KHK: variants seen among roughly 807,000 people sequenced by gnomAD.
KHK encodes the protein fructokinase.
In KHK, 37 loss-of-function variants were observed where a neutral mutation model predicts 36.0. The observed-to-expected ratio is 1.03, with a 90% CI of 0.79 to 1.35. The LOEUF is 1.35. KHK is among the 40% of genes most tolerant of loss of function. The pLI, the probability that KHK is intolerant of heterozygous loss-of-function variation, is 0.00. For missense variants in KHK, 395 were observed against 391.9 expected (o/e 1.01, Z -0.07); for synonymous variants, 161 against 162.8 (o/e 0.99, Z 0.08).
intron 2 of KHK, among the ~76,000 whole-genome samples, chr2:27,093,488 C>T (rs1670135224): frequency 6.6e-6 from 1 of 152,174 alleles, no homozygotes; most frequent in Non-Finnish European, 1.5e-5. Flanking sequence ...GAGCACCTAC[C>T]ATGTCCCAGG....
chr2:27,099,916 G>C lies in KHK; in HGVS notation c.*166G>C. 4 of 1,457,586 alleles carry C rather than the reference G, an allele frequency of 2.7e-6. No homozygotes were observed. The highest frequency in any genetic ancestry group is 3.8e-6 in the Non-Finnish European group (4 of 1,063,756). The allele number at this position is 1,457,586 out of a possible 1,614,324, so 90.3% of individuals were successfully genotyped here. On this transcript the variant is annotated 3_prime_UTR_variant, in exon 8 of 8. Coordinates refer to ENST00000260598, the MANE Select transcript of KHK (RefSeq NM_006488.3). ...TGTTCCCCACAGGGAGAGGCTCTGG[G>C]GGGATGGCTGGGGGATGCAGAGCCT...
Position 27,087,003 on chromosome 2 carries a change from T to A in KHK, c.-257T>A. On this transcript the variant is annotated 5_prime_UTR_variant, in exon 1 of 8. Coordinates refer to ENST00000260598, the MANE Select transcript of KHK (RefSeq NM_006488.3). ...CCATCTGCAGGCCCAGGCAACCTGC[T>A]ACGGGAAGACCGGGGACCAAGACCT... 2.4e-6 allele frequency: 1 copy of A among 415,580 alleles called. No homozygotes were observed. Among genetic ancestry groups the A allele is most frequent in the African/African-American group, 2.0e-5 (1 of 50,020 alleles). The allele number at this position is 415,580 out of a possible 1,614,324, so 25.7% of individuals were successfully genotyped here.
At chr2:27,092,999 C>T (rs1321071947) in intron 2 of KHK, among the ~76,000 whole-genome samples, 3 of 152,182 alleles carry the variant, frequency 2.0e-5, no homozygotes, top group African/African-American at 7.2e-5. Context: ...GCTGTCAGGG[C>T]TATAGCCCTA....
At chr2:27,087,410 C>A in intron 1 of KHK, 59 bp downstream of exon 1, 1 of 1,371,002 alleles carries the variant, frequency 7.3e-7, no homozygotes, top group Non-Finnish European at 1.0e-6. Context: ...AGCATTTGTG[C>A]CAGCGACCGA....
At chr2:27,091,280 A>C (rs1669987673) in intron 1 of KHK, among the ~76,000 whole-genome samples, 1 of 150,862 alleles carries the variant, frequency 6.6e-6, no homozygotes, top group Non-Finnish European at 1.5e-5. Context: ...TAGAGACAAG[A>C]GCTCCCTTTG....
At position 27,100,500 on chromosome 2, in the gene KHK, CAT is replaced by C. The variant is rs766710172; in HGVS notation, c.*753_*754del. 1.2e-5 allele frequency: 15 copies of C among 1,290,898 alleles called. No homozygotes were observed. Among genetic ancestry groups the C allele is most frequent in the Non-Finnish European group, 3.0e-6 (3 of 988,872 alleles). The allele number at this position is 1,290,898 out of a possible 1,614,324, so 80.0% of individuals were successfully genotyped here. On this transcript the variant is annotated 3_prime_UTR_variant, in exon 8 of 8. Transcript: ENST00000260598. ...CCTCAGGGAGGTCCGATCTGGAACA[CAT>C]ATTGGAATTGGGGCCAACTCCAATA...
Position 27,097,732 on chromosome 2 carries a change from C to T in KHK, c.564+83C>T, listed in dbSNP as rs1299932119. On this transcript the variant is annotated intron_variant, in intron 5 of 7. Transcript: ENST00000260598. ...AGCCAGAATCCTTTTATCCTGCCTA[C>T]CACAATTGGAATAGTGGTTCCTGGT... 5 of 1,575,234 alleles carry T rather than the reference C, an allele frequency of 3.2e-6. No individual in the cohort carries two copies. The East Asian group carries it at 1.1e-4, about 35-fold the overall frequency.
intron 1 of KHK, among the ~76,000 whole-genome samples, chr2:27,090,072 G>T (rs1313508174): frequency 6.6e-6 from 1 of 152,134 alleles, no homozygotes; most frequent in South Asian, 2.1e-4. Context: ...GGATGGTCTC[G>T]AACTCCCGAC....
chr2:27,094,441 G>T, intron 2 of KHK: 2 of 1,610,526 alleles, frequency 1.2e-6, no homozygotes. Flanking sequence ...AACCCTTGTC[G>T]AACTGCACCC....
At position 27,100,219 on chromosome 2, in the gene KHK, G is replaced by A. The variant is rs187387157; in HGVS notation, c.*469G>A. On this transcript the variant is annotated 3_prime_UTR_variant, in exon 8 of 8. Transcript: ENST00000260598. ...CCGTGAGAGCTCTTCGGGGCCCTGC[G>A]TTGTGCAGACTCTATTCCCACAGCT... 1.5e-3 allele frequency: 618 copies of A among 403,544 alleles called. 1 individual carries two copies. In the Middle Eastern group the frequency reaches 0.02, roughly 13 times the overall value. 25.0% of individuals were successfully genotyped at this position (403,544 alleles called of 1,614,324 possible).
intron 1 of KHK, among the ~76,000 whole-genome samples, chr2:27,088,660 G>A (rs749513562): frequency 2.0e-5 from 3 of 152,002 alleles, no homozygotes; most frequent in Non-Finnish European, 4.4e-5. Context: ...CTAATCTCAA[G>A]TGATCTGCCC....
intron 2 of KHK, chr2:27,094,510 G>A: frequency 6.2e-7 from 1 of 1,614,022 alleles, no homozygotes; most frequent in Admixed American, 1.7e-5. Context: ...GCTATTCTGT[G>A]GACCTACGCT....
At chr2:27,088,103 T>A (rs1005295242) in intron 1 of KHK, 2 of 135,594 alleles carry the variant, frequency 1.5e-5, no homozygotes, top group Non-Finnish European at 1.6e-5. Flanking sequence ...TTGGTTCTTT[T>A]TTTTTTTTTT....
Position 27,100,646 on chromosome 2 carries a change from T to G in KHK, c.*896T>G, listed in dbSNP as rs1276594858. The G allele has an allele frequency of 1.9e-6, 2 of 1,080,184 alleles. No individual in the cohort carries two copies. The highest frequency in any genetic ancestry group is 1.5e-5 in the South Asian group (1 of 64,634). The allele number at this position is 1,080,184 out of a possible 1,614,324, so 66.9% of individuals were successfully genotyped here. ...TGCATATCACCTTAGGGTACAGCACTTAACGCAATCTGCCTCAATTTCTTC... is the reference window on the plus strand; with the variant it reads ...TGCATATCACCTTAGGGTACAGCACGTAACGCAATCTGCCTCAATTTCTTC... On this transcript the variant is annotated 3_prime_UTR_variant, in exon 8 of 8. Transcript: ENST00000260598.
intron 1 of KHK, 121 bp from the exon 2 acceptor site, chr2:27,092,211 C>T (rs1314362923): frequency 1.9e-5 from 16 of 839,326 alleles, no homozygotes; most frequent in Admixed American, 3.4e-5. Context: ...CAAAGTGAGA[C>T]GTCGGCCTAG....
At position 27,099,790 on chromosome 2, in the gene KHK, T is replaced by TG. The variant is rs1290730797; in HGVS notation, c.*40_*41insG. 1.2e-6 allele frequency: 2 copies of TG among 1,605,706 alleles called. No homozygotes were observed. Among genetic ancestry groups the TG allele is most frequent in the East Asian group, 4.5e-5 (2 of 44,346 alleles). Reference sequence around the variant, plus strand: ...TCCTCACACACCATGGAGACTACCATTGCGGCTGCATCGCCTTCTCCCCTC... The same window carrying TG: ...TCCTCACACACCATGGAGACTACCATGTGCGGCTGCATCGCCTTCTCCCCTC... On this transcript the variant is annotated 3_prime_UTR_variant, in exon 8 of 8. Transcript: ENST00000260598.
intron 6 of KHK, 43 bp from the exon 7 acceptor site, chr2:27,099,377 G>A (rs779921285): frequency 1.1e-5 from 18 of 1,611,968 alleles, no homozygotes; most frequent in Middle Eastern, 1.7e-4. Context: ...TGGCTGGGGG[G>A]ACGGGGTGGG....
rs372208764 is a variant in KHK at position 27,097,662 on chromosome 2, T to C, written c.564+13T>C. On this transcript the variant is annotated intron_variant, in intron 5 of 7. Transcript: ENST00000260598. ...CTACGGAGACGTGGTGGGTGCCCCATTCAGCCTCTCTTTGCCACTTCCAGC... is the reference window on the plus strand; with the variant it reads ...CTACGGAGACGTGGTGGGTGCCCCACTCAGCCTCTCTTTGCCACTTCCAGC... 1.4e-5 allele frequency: 23 copies of C among 1,613,642 alleles called. No individual in the cohort carries two copies. In the African/African-American group the frequency reaches 2.3e-4, roughly 16 times the overall value.
chr2:27,097,462 G>C, intron 4 of KHK, 41 bp from the exon 5 acceptor site: 2 of 1,611,442 alleles, frequency 1.2e-6, no homozygotes, highest in Non-Finnish European at 1.7e-6. Flanking sequence ...AGATTGGCCA[G>C]GCAGTGCCCA....
Sources: allele counts gnomAD v4.1 joint callset (sites outside exome capture counted in the v4.1 genomes callset), GRCh38; gene constraint gnomAD v4.1.1; transcripts MANE v1.5; gene names NCBI Gene and HGNC (gene_info 2026-07-23, HGNC 2026-07-21).